Variants in PDE5A observed in about 807,000 individuals in gnomAD.
The protein encoded by PDE5A is cGMP-specific 3',5'-cyclic phosphodiesterase.
A neutral mutation model predicts 110.2 loss-of-function variants in PDE5A; 67 were observed. The observed-to-expected ratio is 0.61, with a 90% CI of 0.50 to 0.75. PDE5A has a LOEUF of 0.75. PDE5A is among the 30% of genes least tolerant of loss of function. PDE5A has a pLI of 0.00. For synonymous variants in PDE5A, 328 were observed against 351.2 expected (o/e 0.93, Z 0.74); for missense variants, 862 against 1,045.1 (o/e 0.82, Z 2.42).
intron 11 of PDE5A, among the ~76,000 whole-genome samples, chr4:119,530,795 G>C (rs529878696): frequency 1.3e-4 from 20 of 152,094 alleles, no homozygotes; most frequent in African/African-American, 4.8e-4. Flanking sequence ...ATTTGGCATA[G>C]AGCTATAGTA....
chr4:119,614,467 G>A (rs895594013), intron 1 of PDE5A, among the ~76,000 whole-genome samples: 3 of 152,048 alleles, frequency 2.0e-5, no homozygotes, highest in African/African-American at 4.8e-5. Flanking sequence ...AATTGTTGGC[G>A]GATAGGCAAC....
chr4:119,566,797 A>G (rs2110508991), intron 4 of PDE5A, among the ~76,000 whole-genome samples: 1 of 152,310 alleles, frequency 6.6e-6, no homozygotes, highest in Non-Finnish European at 1.5e-5. Context: ...AAATACCATA[A>G]GTCACCCTCT....
intron 12 of PDE5A, among the ~76,000 whole-genome samples, chr4:119,524,705 T>C (rs186115684): frequency 1.1e-4 from 17 of 152,250 alleles, no homozygotes; most frequent in Admixed American, 9.2e-4. Flanking sequence ...AATTTTCAGA[T>C]AGGAAATCTG....
intron 2 of PDE5A, among the ~76,000 whole-genome samples, chr4:119,599,712 TAC>T (rs3056797): frequency 0.068 from 9,995 of 147,248 alleles, 341 homozygotes; most frequent in South Asian, 0.099. Context: ...CAAGTGTGTA[TAC>T]ACACACACAC....
intron 14 of PDE5A, among the ~76,000 whole-genome samples, chr4:119,518,623 T>A (rs1253391164): frequency 6.6e-6 from 1 of 152,198 alleles, no homozygotes; most frequent in Non-Finnish European, 1.5e-5. Flanking sequence ...TCCAACAGAG[T>A]GCTATGTAGC....
At chr4:119,611,548 T>C (rs1034195419) in intron 1 of PDE5A, among the ~76,000 whole-genome samples, 2 of 152,250 alleles carry the variant, frequency 1.3e-5, no homozygotes, top group Admixed American at 6.5e-5. Flanking sequence ...TTTATGCTTG[T>C]ATACTTGCAG....
At chr4:119,509,210 C>A (rs540480512) in intron 15 of PDE5A, among the ~76,000 whole-genome samples, 2 of 152,120 alleles carry the variant, frequency 1.3e-5, no homozygotes, top group South Asian at 4.1e-4. Context: ...AACTTTGTAA[C>A]CAGAGCACAA....
chr4:119,577,637 C>CG (rs1728407288), intron 3 of PDE5A, among the ~76,000 whole-genome samples: 2 of 152,154 alleles, frequency 1.3e-5, no homozygotes, highest in Admixed American at 1.3e-4. Context: ...ATTTCAACAA[C>CG]CCTTCATGCT....
chr4:119,499,722 A>G (rs988382065), intron 20 of PDE5A: 1 of 151,598 alleles, frequency 6.6e-6, no homozygotes, highest in Non-Finnish European at 1.5e-5. Flanking sequence ...ATAGAAAATA[A>G]TTTTTCTGTT....
At chr4:119,558,609 C>A (rs1727622364) in intron 7 of PDE5A, among the ~76,000 whole-genome samples, 1 of 151,970 alleles carries the variant, frequency 6.6e-6, no homozygotes, top group African/African-American at 2.4e-5. Context: ...TACTAAACAC[C>A]ATTTTAAATT....
At chr4:119,613,216 G>A (rs1403893548) in intron 1 of PDE5A, among the ~76,000 whole-genome samples, 1 of 152,118 alleles carries the variant, frequency 6.6e-6, no homozygotes, top group Non-Finnish European at 1.5e-5. Context: ...TTCATCCTAA[G>A]AATTAGCAGA....
intron 14 of PDE5A, among the ~76,000 whole-genome samples, chr4:119,516,569 T>C (rs1725914066): frequency 6.6e-6 from 1 of 152,230 alleles, no homozygotes; most frequent in African/African-American, 2.4e-5. Flanking sequence ...TTTAGCTATT[T>C]TGTTCCTATT....
At chr4:119,564,718 T>A (rs1578780589) in intron 5 of PDE5A, among the ~76,000 whole-genome samples, 1 of 152,104 alleles carries the variant, frequency 6.6e-6, no homozygotes, top group South Asian at 2.1e-4. Context: ...AAAGGTAGTA[T>A]GAACAACATT....
At chr4:119,501,735 A>T (rs1725343542) in intron 19 of PDE5A, among the ~76,000 whole-genome samples, 1 of 144,250 alleles carries the variant, frequency 6.9e-6, no homozygotes. Flanking sequence ...TCCAAAAAAC[A>T]GAAGTGGGCT....
intron 1 of PDE5A, among the ~76,000 whole-genome samples, chr4:119,622,773 T>C (rs1219258529): frequency 1.4e-5 from 2 of 145,294 alleles, no homozygotes; most frequent in African/African-American, 5.2e-5. Flanking sequence ...CTCGGGAGTC[T>C]GAGGCAGGAG....
intron 2 of PDE5A, among the ~76,000 whole-genome samples, chr4:119,600,956 A>T (rs925571805): frequency 5.9e-5 from 9 of 152,218 alleles, no homozygotes; most frequent in African/African-American, 2.2e-4. Context: ...ATTTAACATC[A>T]TCAATACTTA....
At chr4:119,612,829 A>G (rs1330485694) in intron 1 of PDE5A, among the ~76,000 whole-genome samples, 1 of 144,888 alleles carries the variant, frequency 6.9e-6, no homozygotes, top group Non-Finnish European at 1.6e-5. Context: ...TATTTGTTAT[A>G]GCAGCCAGCA....
At chr4:119,602,314 A>G (rs1438259159) in intron 2 of PDE5A, among the ~76,000 whole-genome samples, 1 of 152,212 alleles carries the variant, frequency 6.6e-6, no homozygotes, top group Non-Finnish European at 1.5e-5. Context: ...AGGAAACGAT[A>G]AAGCAAATGG....
intron 12 of PDE5A, among the ~76,000 whole-genome samples, chr4:119,522,292 GTTCAC>G (rs1726155325): frequency 6.6e-6 from 1 of 151,990 alleles, no homozygotes; most frequent in Non-Finnish European, 1.5e-5. Context: ...GATTGAATGT[GTTCAC>G]CCCAAGCATA....
Sources: allele counts gnomAD v4.1 joint callset (sites outside exome capture counted in the v4.1 genomes callset), GRCh38; gene constraint gnomAD v4.1.1; transcripts MANE v1.5; gene names NCBI Gene and HGNC (gene_info 2026-07-23, HGNC 2026-07-21).